Variants in SCD5 observed in about 807,000 individuals in gnomAD.
The protein encoded by SCD5 is stearoyl-CoA desaturase 5, also known as acyl-CoA-desaturase 4.
In SCD5, 20 loss-of-function variants were observed where a neutral mutation model predicts 30.4. That is an observed-to-expected ratio of 0.66 (90% CI 0.46 to 0.96). The LOEUF (loss-of-function observed/expected upper bound fraction) is 0.96, where lower values mean the gene tolerates loss of function less well. Ranked by LOEUF, SCD5 falls within the 40% of genes least tolerant of loss-of-function variation. SCD5 has a pLI of 0.00. For synonymous variants in SCD5, 173 were observed against 176.4 expected (o/e 0.98, Z 0.16); for missense variants, 381 against 443.3 (o/e 0.86, Z 1.26).
chr4:82,733,948 T>A (rs958247436), intron 1 of SCD5, among the ~76,000 whole-genome samples: 1 of 152,202 alleles, frequency 6.6e-6, no homozygotes, highest in African/African-American at 2.4e-5. Flanking sequence ...CAAGATTTAG[T>A]GCCCTGCTTA....
Position 82,747,003 on chromosome 4 carries a change from G to T in SCD5, c.233-41590C>A, listed in dbSNP as rs528125136. Among the ~76,000 whole-genome samples, 256 of 151,608 alleles carry T rather than the reference G, an allele frequency of 1.7e-3. 2 individuals are homozygous for T. Among genetic ancestry groups the T allele is most frequent in the African/African-American group, 5.9e-3 (245 of 41,432 alleles). ...GGAACACACCCACAGACCAGCAACA[G>T]TGGAATGACACAGGCACCAAGGGGA... is the stretch of plus-strand genomic sequence containing the variant. On this transcript the variant is annotated intron_variant, in intron 1 of 4. Coordinates refer to ENST00000319540, the MANE Select transcript of SCD5 (RefSeq NM_001037582.3).
chr4:82,748,933 T>C (rs1048869438), intron 1 of SCD5, among the ~76,000 whole-genome samples: 3 of 152,210 alleles, frequency 2.0e-5, no homozygotes, highest in African/African-American at 7.2e-5. Context: ...GACACCATTT[T>C]CAAGCAGCTT....
chr4:82,671,312 C>T (rs1181317586), intron 3 of SCD5, among the ~76,000 whole-genome samples: 1 of 152,116 alleles, frequency 6.6e-6, no homozygotes, highest in Non-Finnish European at 1.5e-5. Flanking sequence ...GAACAGCCCA[C>T]TATCAGAAAC....
chr4:82,691,018 G>GTTTTGT (rs11435284), intron 2 of SCD5, among the ~76,000 whole-genome samples: 59 of 149,838 alleles, frequency 3.9e-4, no homozygotes, highest in African/African-American at 8.0e-4. Flanking sequence ...TTTTTTGTTT[G>GTTTTGT]TTTGTTTTGT....
At chr4:82,727,681 TC>T (rs1332368173) in intron 1 of SCD5, among the ~76,000 whole-genome samples, 1 of 152,172 alleles carries the variant, frequency 6.6e-6, no homozygotes, top group African/African-American at 2.4e-5. Flanking sequence ...TCTCTTGGTC[TC>T]CCCTTTCTGG....
At chr4:82,717,674 C>T (rs1052753527) in intron 1 of SCD5, among the ~76,000 whole-genome samples, 28 of 151,088 alleles carry the variant, frequency 1.9e-4, no homozygotes, top group Admixed American at 1.4e-3. Flanking sequence ...CCAGCACTTT[C>T]GGAGGCCAAG....
At chr4:82,717,957 G>A (rs1720265639) in intron 1 of SCD5, among the ~76,000 whole-genome samples, 2 of 106,268 alleles carry the variant, frequency 1.9e-5, no homozygotes, top group African/African-American at 1.0e-4. Context: ...TCCCTCTGAA[G>A]GAAGATAAAA....
intron 1 of SCD5, among the ~76,000 whole-genome samples, chr4:82,707,185 G>A (rs1156443752): frequency 6.6e-6 from 1 of 152,214 alleles, no homozygotes; most frequent in Non-Finnish European, 1.5e-5. Flanking sequence ...GATAAAAGGA[G>A]TAATGGGTAA....
chr4:82,721,069 G>A (rs1720360125), intron 1 of SCD5, among the ~76,000 whole-genome samples: 1 of 152,122 alleles, frequency 6.6e-6, no homozygotes, highest in African/African-American at 2.4e-5. Flanking sequence ...GCTGAGGTAG[G>A]AGGATCTCTT....
chr4:82,661,386 C>A (rs766380024), intron 3 of SCD5, among the ~76,000 whole-genome samples: 16 of 152,224 alleles, frequency 1.1e-4, no homozygotes, highest in Non-Finnish European at 1.6e-4. Flanking sequence ...AATATTTCCA[C>A]TTCAACTGTC....
intron 1 of SCD5, among the ~76,000 whole-genome samples, chr4:82,763,465 C>T (rs1215372258): frequency 5.9e-5 from 9 of 152,254 alleles, no homozygotes; most frequent in Non-Finnish European, 1.3e-4. Context: ...GAGCGGAGAT[C>T]GTGCCACTGC....
intron 3 of SCD5, among the ~76,000 whole-genome samples, chr4:82,656,695 G>A (rs1578007951): frequency 6.6e-6 from 1 of 152,260 alleles, no homozygotes; most frequent in African/African-American, 2.4e-5. Flanking sequence ...CACAATGGTT[G>A]AACTAATTTA....
chr4:82,653,684 A>AGATAGATAGATAGAT (rs1727803682), intron 3 of SCD5, among the ~76,000 whole-genome samples: 2 of 136,346 alleles, frequency 1.5e-5, no homozygotes, highest in African/African-American at 5.5e-5. Context: ...AATGATAGAT[A>AGATAGATAGATAGAT]GATAGATAGA....
At chr4:82,726,885 T>C (rs901581032) in intron 1 of SCD5, among the ~76,000 whole-genome samples, 2 of 152,174 alleles carry the variant, frequency 1.3e-5, no homozygotes. Flanking sequence ...GCTGTCCTAA[T>C]TGGTCAAGAA....
At chr4:82,757,283 A>G (rs1168734427) in intron 1 of SCD5, among the ~76,000 whole-genome samples, 1 of 152,132 alleles carries the variant, frequency 6.6e-6, no homozygotes, top group Non-Finnish European at 1.5e-5. Context: ...GTCTTGATCC[A>G]GTCATCATCT....
At chr4:82,793,511 A>G (rs144395082) in intron 1 of SCD5, among the ~76,000 whole-genome samples, 25 of 152,334 alleles carry the variant, frequency 1.6e-4, no homozygotes, top group Non-Finnish European at 3.5e-4. Context: ...AGCCAAATCT[A>G]TCTTTTCTAT....
intron 3 of SCD5, among the ~76,000 whole-genome samples, chr4:82,659,129 T>C (rs1727930937): frequency 6.6e-6 from 1 of 152,180 alleles, no homozygotes; most frequent in Non-Finnish European, 1.5e-5. Flanking sequence ...TGTAGAGGTG[T>C]TTATAGTATT....
chr4:82,760,370 C>G (rs1721336939), intron 1 of SCD5, among the ~76,000 whole-genome samples: 1 of 152,114 alleles, frequency 6.6e-6, no homozygotes, highest in Admixed American at 6.6e-5. Context: ...TGTCATTGCA[C>G]TTCTTCTCCT....
At chr4:82,780,869 G>A (rs1255279332) in intron 1 of SCD5, among the ~76,000 whole-genome samples, 3 of 152,260 alleles carry the variant, frequency 2.0e-5, no homozygotes, top group Admixed American at 6.5e-5. Flanking sequence ...CTTCCACAGC[G>A]TCAGGGGAGG....
Sources: allele counts gnomAD v4.1 joint callset (sites outside exome capture counted in the v4.1 genomes callset), GRCh38; gene constraint gnomAD v4.1.1; transcripts MANE v1.5; gene names NCBI Gene and HGNC (gene_info 2026-07-23, HGNC 2026-07-21).